Variants in KCTD8 observed in about 807,000 individuals in gnomAD.
KCTD8 encodes BTB/POZ domain-containing protein KCTD8.
KCTD8 carries 27 observed loss-of-function variants against 31.5 expected under a neutral mutation model. The observed-to-expected ratio is 0.86, with a 90% CI of 0.63 to 1.18. The LOEUF is 1.18. Ranked by LOEUF, KCTD8 falls within the 50% of genes most tolerant of loss-of-function variation. The probability of loss-of-function intolerance (pLI) is 0.00; values close to 1 mark genes in which losing one functional copy is unlikely to be tolerated. For synonymous variants in KCTD8, 290 were observed against 280.0 expected (o/e 1.04, Z -0.36); for missense variants, 658 against 647.7 (o/e 1.02, Z -0.17).
chr4:44,369,729 T>C (rs1210045217), intron 1 of KCTD8, among the ~76,000 whole-genome samples: 1 of 151,766 alleles, frequency 6.6e-6, no homozygotes, highest in Non-Finnish European at 1.5e-5. Flanking sequence ...GCCAGGGGGG[T>C]TGTGGCTGCA....
intron 1 of KCTD8, among the ~76,000 whole-genome samples, chr4:44,259,129 C>G (rs1037464020): frequency 2.0e-5 from 3 of 151,904 alleles, no homozygotes; most frequent in Admixed American, 2.0e-4. Flanking sequence ...AAAGCACTTA[C>G]ACTTCAGCTA....
At chr4:44,385,788 T>C (rs1720197495) in intron 1 of KCTD8, among the ~76,000 whole-genome samples, 1 of 151,614 alleles carries the variant, frequency 6.6e-6, no homozygotes. Context: ...GAGGGAAGTA[T>C]CTTCAAATCA....
chr4:44,234,464 T>A (rs935128641), intron 1 of KCTD8, among the ~76,000 whole-genome samples: 1 of 152,136 alleles, frequency 6.6e-6, no homozygotes, highest in Non-Finnish European at 1.5e-5. Flanking sequence ...AAAGAGATAG[T>A]TGAAGAAAAG....
At chr4:44,440,864 G>T (rs368103737) in intron 1 of KCTD8, among the ~76,000 whole-genome samples, 1 of 152,276 alleles carries the variant, frequency 6.6e-6, no homozygotes. Context: ...TTCTACAGCA[G>T]GGGTTCACTT....
At position 44,448,323 on chromosome 4, in the gene KCTD8, G is replaced by C. The variant is rs1722008718; in HGVS notation, c.201C>G (p.Asp67Glu). ...GCGAGAACATGCTGGCCAAAGTACT[G>C]TCCGGGACGCTGAGCAGCGTCGAGT... ...TKHSTLLSVP[D>E]STLASMFSPS... is the part of the protein sequence containing the mutation. The change falls in exon 1 of 2, where the codon GAC becomes GAG. Residue 67 changes from aspartate to glutamate, a missense_variant. By Grantham distance (45) the Asp-to-Glu change is conservative. Transcript: ENST00000360029. This position sits in a 1 kb window ranked among gnomAD's most constrained non-coding sequence, Gnocchi z 4.1. The C allele has an allele frequency of 6.2e-7, 1 of 1,600,214 alleles. No homozygotes were observed. Among genetic ancestry groups the C allele is most frequent in the Non-Finnish European group, 8.5e-7 (1 of 1,174,136 alleles).
chr4:44,378,299 A>T (rs893874910), intron 1 of KCTD8, among the ~76,000 whole-genome samples: 1 of 149,078 alleles, frequency 6.7e-6, no homozygotes, highest in Non-Finnish European at 1.5e-5. Context: ...TACTATACAT[A>T]CTATTCTCTG....
At chr4:44,334,652 T>C (rs926205123) in intron 1 of KCTD8, among the ~76,000 whole-genome samples, 1 of 151,792 alleles carries the variant, frequency 6.6e-6, no homozygotes, top group African/African-American at 2.4e-5. Flanking sequence ...TATATAACAA[T>C]GTAAAAAAAA....
intron 1 of KCTD8, among the ~76,000 whole-genome samples, chr4:44,270,063 A>C (rs1483535865): frequency 3.3e-5 from 5 of 151,608 alleles, no homozygotes; most frequent in Non-Finnish European, 7.4e-5. Flanking sequence ...AGGACTATAA[A>C]TTATGCTGCT....
chr4:44,421,499 A>C (rs368025809), intron 1 of KCTD8, among the ~76,000 whole-genome samples: 6 of 152,246 alleles, frequency 3.9e-5, no homozygotes, highest in African/African-American at 1.4e-4. Context: ...CCTTTTAACA[A>C]GAACCCTAGG....
At chr4:44,288,100 A>T (rs747114072) in intron 1 of KCTD8, among the ~76,000 whole-genome samples, 2 of 152,256 alleles carry the variant, frequency 1.3e-5, no homozygotes, top group Admixed American at 1.3e-4. Flanking sequence ...TGCCCTTAGT[A>T]TCTTCAAGCT....
intron 1 of KCTD8, among the ~76,000 whole-genome samples, chr4:44,378,118 C>A (rs1020823554): frequency 7.8e-6 from 1 of 127,546 alleles, no homozygotes. Context: ...AAAATCAAAC[C>A]ACCTCTCTGA....
intron 1 of KCTD8, among the ~76,000 whole-genome samples, chr4:44,441,515 T>A (rs551444887): frequency 6.6e-6 from 1 of 152,206 alleles, no homozygotes; most frequent in African/African-American, 2.4e-5. Flanking sequence ...TTTTTGCTTA[T>A]AAACAGAAGT....
At chr4:44,269,031 A>T (rs1716486999) in intron 1 of KCTD8, among the ~76,000 whole-genome samples, 1 of 152,058 alleles carries the variant, frequency 6.6e-6, no homozygotes, top group Admixed American at 6.5e-5. Context: ...ACAGAATTGG[A>T]AAAAACTACT....
rs529931942 is a variant in KCTD8, at chr4:44,220,347, A to T, written c.962-45097T>A. Among the ~76,000 whole-genome samples the T allele has an allele frequency of 3.0e-4, 46 of 152,328 alleles. No individual in the cohort carries two copies. In the South Asian group the frequency reaches 4.1e-3, roughly 14 times the overall value. Reference sequence around the variant, plus strand: ...TGAAGTAGTAATAAAAAAGGAATTGATAAATCTTCAGAAGTGGGTGGAAAA... The same window carrying T: ...TGAAGTAGTAATAAAAAAGGAATTGTTAAATCTTCAGAAGTGGGTGGAAAA... On this transcript the variant is annotated intron_variant, in intron 1 of 1. Coordinates refer to ENST00000360029, the MANE Select transcript of KCTD8 (RefSeq NM_198353.3).
chr4:44,381,968 T>C (rs1720077103), intron 1 of KCTD8, among the ~76,000 whole-genome samples: 1 of 152,014 alleles, frequency 6.6e-6, no homozygotes, highest in African/African-American at 2.4e-5. Context: ...AACAGACTAA[T>C]ACAGACAAAG....
At chr4:44,314,040 T>C (rs1481630824) in intron 1 of KCTD8, among the ~76,000 whole-genome samples, 1 of 152,136 alleles carries the variant, frequency 6.6e-6, no homozygotes, top group Non-Finnish European at 1.5e-5. Context: ...TAAGGGGAGC[T>C]GTACAAGAAA....
At chr4:44,374,604 T>C (rs1719872117) in intron 1 of KCTD8, among the ~76,000 whole-genome samples, 1 of 152,186 alleles carries the variant, frequency 6.6e-6, no homozygotes, top group African/African-American at 2.4e-5. Context: ...TCACTAATCC[T>C]AATCATTTCT....
chr4:44,258,945 T>C (rs988063926), intron 1 of KCTD8, among the ~76,000 whole-genome samples: 1 of 151,830 alleles, frequency 6.6e-6, no homozygotes, highest in African/African-American at 2.4e-5. Flanking sequence ...CCTCATAAAA[T>C]TGGTGTAAAT....
chr4:44,216,931 T>G (rs541724073), intron 1 of KCTD8, among the ~76,000 whole-genome samples: 14 of 152,328 alleles, frequency 9.2e-5, no homozygotes, highest in Non-Finnish European at 1.6e-4. Flanking sequence ...TTTCTTGGTC[T>G]AAAGATAAAG....
Sources: gnomAD v4.1 joint callset for allele counts (sites outside exome capture counted in the v4.1 genomes callset) on GRCh38, gnomAD v4.1.1 for gene constraint, Gnocchi (gnomAD v3.1) non-coding constraint, MANE v1.5 for transcripts, NCBI Gene and HGNC (gene_info 2026-07-23, HGNC 2026-07-21) for gene names.